The following ETNK2 variants were observed in gnomAD, a reference collection of about 807,000 sequenced individuals.
The protein encoded by ETNK2 is ethanolamine kinase 2.
ETNK2 carries 33 observed loss-of-function variants against 46.2 expected under a neutral mutation model. The observed-to-expected ratio is 0.71, with a 90% CI of 0.54 to 0.96. ETNK2 has a LOEUF of 0.96. ETNK2 is among the 40% of genes least tolerant of loss of function. The pLI, the probability that ETNK2 is intolerant of heterozygous loss-of-function variation, is 0.00. For missense variants in ETNK2, 445 were observed against 509.7 expected (o/e 0.87, Z 1.22); for synonymous variants, 194 against 209.0 (o/e 0.93, Z 0.62).
chr1:204,135,783 A>G (rs1290281505), intron 6 of ETNK2, among the ~76,000 whole-genome samples: 1 of 152,232 alleles, frequency 6.6e-6, no homozygotes, highest in Non-Finnish European at 1.5e-5. Context: ...AGAATAGGGA[A>G]TCCGAAATTA....
At chr1:204,132,439 A>G (rs543210494) in intron 7 of ETNK2, among the ~76,000 whole-genome samples, 183 bp from the exon 8 acceptor site, 140 of 152,118 alleles carry the variant, frequency 9.2e-4, no homozygotes, top group African/African-American at 3.3e-3. Context: ...AATTTTTAAT[A>G]TTTATTTATT....
intron 2 of ETNK2, chr1:204,147,124 G>A (rs756519837): frequency 2.0e-5 from 8 of 402,506 alleles, no homozygotes; most frequent in African/African-American, 4.1e-5. Context: ...GGATGGGGGC[G>A]GGGCTGGCCC....
In ETNK2 at chr1:204,146,656, G is replaced by C; in HGVS notation, c.627C>G (p.Asn209Lys). 6.2e-7 allele frequency: 1 copy of C among 1,614,014 alleles called. No homozygotes were observed. The highest frequency in any genetic ancestry group is 1.1e-5 in the South Asian group (1 of 91,082). Residue 209 changes from asparagine (N) to lysine (K), a missense_variant, in exon 3 of 8, where the codon AAC (asparagine) becomes AAG (lysine). Transcript: ENST00000367202. ...GATCTTTGTACCTGGGGTTGATCTC[G>C]TTCTTCACAAGCGTGAAATAATTGT... ...KMHNYFTLVKNEINPSLSADV... is the reference protein window; with the variant it reads ...KMHNYFTLVKKEINPSLSADV...
chr1:204,140,027 C>T lies in ETNK2; in HGVS notation c.868+8G>A. 3 of 1,612,784 alleles carry T rather than the reference C, an allele frequency of 1.9e-6. No individual in the cohort carries two copies. The highest frequency in any genetic ancestry group is 2.5e-6 in the Non-Finnish European group (3 of 1,178,856). On this transcript the variant is annotated splice_region_variant and intron_variant, in intron 5 of 7. Transcript: ENST00000367202. ...CAAAGCACATGACTGTAGAAATGCC[C>T]CTCTCACCTGCAAACTCATTGAAAT...
chr1:204,142,677 G>A (rs913644840), intron 3 of ETNK2: 2 of 152,250 alleles, frequency 1.3e-5, no homozygotes, highest in African/African-American at 2.4e-5. Flanking sequence ...AGAAGGATGA[G>A]GATGAGACCG....
rs757038635 is a variant in ETNK2 at position 204,137,257 on chromosome 1, G to T, written c.869-8C>A. The T allele has an allele frequency of 6.2e-7, 1 of 1,613,060 alleles. No homozygotes were observed. The highest frequency in any genetic ancestry group is 1.3e-5 in the African/African-American group (1 of 75,036). On this transcript the variant is annotated splice_polypyrimidine_tract_variant and splice_region_variant and intron_variant, in intron 5 of 7. Transcript: ENST00000367202. ...AATCCACCTCATTCACGCCTGAGGG[G>T]GAGGCAGGCCAGACAAAGTTGCTCA... is the stretch of plus-strand genomic sequence containing the variant.
intron 5 of ETNK2, 27 bp from the exon 6 acceptor site, chr1:204,137,276 T>C (rs756100601): frequency 1.2e-6 from 2 of 1,610,470 alleles, no homozygotes; most frequent in South Asian, 1.1e-5. Context: ...CCAGACAAAG[T>C]TGCTCAGAGA....
intron 7 of ETNK2, among the ~76,000 whole-genome samples, chr1:204,134,240 C>T (rs1029755586): frequency 1.3e-5 from 2 of 152,228 alleles, no homozygotes; most frequent in African/African-American, 4.8e-5. Context: ...GCGCTGGAAG[C>T]AGGGTGGGGA....
intron 3 of ETNK2, 42 bp from the exon 4 acceptor site, chr1:204,141,499 A>G (rs1657536993): frequency 1.3e-6 from 2 of 1,549,140 alleles, no homozygotes; most frequent in East Asian, 2.4e-5. Context: ...AGGAGGGCTG[A>G]TAGACAGGTG....
Position 204,140,041 on chromosome 1 carries a change from A to T in ETNK2, c.862T>A (p.Phe288Ile), listed in dbSNP as rs1657440405. ...GTAGAAATGCCCCTCTCACCTGCAA[A>T]CTCATTGAAATGGTTGCCAATGTCA... ...AFDIGNHFNE[F>I]AGVNEVDYCL... is the part of the protein sequence containing the mutation. The change falls in exon 5 of 8, where the codon TTT becomes ATT. Residue 288 changes from phenylalanine (F) to isoleucine (I), a missense_variant. Physicochemically the swap from Phe to Ile is conservative, Grantham distance 21. Coordinates refer to ENST00000367202, the MANE Select transcript of ETNK2 (RefSeq NM_018208.4). 1 of 1,613,760 alleles carries T rather than the reference A, an allele frequency of 6.2e-7. No individual in the cohort carries two copies. Among genetic ancestry groups the T allele is most frequent in the Non-Finnish European group, 8.5e-7 (1 of 1,179,800 alleles).
chr1:204,137,313 T>C, intron 5 of ETNK2, 64 bp from the exon 6 acceptor site: 1 of 1,560,772 alleles, frequency 6.4e-7, no homozygotes. Context: ...CTCCTCAAGC[T>C]CAGTAGGTGT....
At position 204,131,437 on chromosome 1, in the gene ETNK2, T is replaced by C. The variant is rs2102275309; in HGVS notation, c.*747A>G. The C allele has an allele frequency of 6.6e-6, 1 of 152,416 alleles. No individual in the cohort carries two copies. Among genetic ancestry groups the C allele is most frequent in the Non-Finnish European group, 1.5e-5 (1 of 68,148 alleles). 9.4% of individuals were successfully genotyped at this position (152,416 alleles called of 1,614,324 possible). A position where few individuals can be genotyped will look rare whatever the true frequency, so the allele number is the denominator to read the frequency against. ...GTTCTGGTTTTGGCCACCTCACCCT[T>C]GGCCACGTCCCCTCCGGCTAAGCCA... On this transcript the variant is annotated 3_prime_UTR_variant, in exon 8 of 8. Transcript: ENST00000367202. This position sits in a 1 kb window ranked among gnomAD's most constrained non-coding sequence, Gnocchi z 4.3.
At position 204,131,701 on chromosome 1, in the gene ETNK2, G is replaced by GT. The variant is rs1291207908; in HGVS notation, c.*482dup. On this transcript the variant is annotated 3_prime_UTR_variant, in exon 8 of 8. Transcript: ENST00000367202. This position sits in a 1 kb window ranked among gnomAD's most constrained non-coding sequence, Gnocchi z 4.3. ...CCATCACCAAGATAGGTACATCCAT[G>GT]TGTCAGAGTTGGTGTGATGCTGGTT... 7.1e-5 allele frequency: 12 copies of GT among 167,890 alleles called. No individual in the cohort carries two copies. Among genetic ancestry groups the GT allele is most frequent in the African/African-American group, 2.6e-4 (11 of 42,118 alleles). 10.4% of individuals were successfully genotyped at this position (167,890 alleles called of 1,614,324 possible). A position where few individuals can be genotyped will look rare whatever the true frequency, so the allele number is the denominator to read the frequency against.
In ETNK2 at chr1:204,151,405, C is replaced by T. The variant is rs998715053; in HGVS notation, c.258+190G>A. ...GGGAGGAGGGGGGCGTGTGCAGGGCCAAGGGAGGTGTGAGCCTAGTTTTGG... is the reference window on the plus strand; with the variant it reads ...GGGAGGAGGGGGGCGTGTGCAGGGCTAAGGGAGGTGTGAGCCTAGTTTTGG... On this transcript the variant is annotated intron_variant, in intron 1 of 7. Coordinates refer to ENST00000367202, the MANE Select transcript of ETNK2 (RefSeq NM_018208.4). The surrounding 1 kb of genome is among the most constrained non-coding windows in gnomAD (Gnocchi z 8.0). 7 of 834,870 alleles carry T rather than the reference C, an allele frequency of 8.4e-6. No homozygotes were observed. The highest frequency in any genetic ancestry group is 1.1e-5 in the Non-Finnish European group (6 of 556,534). 51.7% of individuals were successfully genotyped at this position (834,870 alleles called of 1,614,324 possible).
intron 7 of ETNK2, among the ~76,000 whole-genome samples, chr1:204,133,519 A>C (rs1189300010): frequency 7.6e-6 from 1 of 131,570 alleles, no homozygotes; most frequent in Non-Finnish European, 1.6e-5. Flanking sequence ...TTATCATTTC[A>C]TTTTATTTTA....
chr1:204,152,034 G>A lies in ETNK2; in HGVS notation c.-182C>T. Reference sequence around the variant, plus strand: ...CGCCGACCCCGGAGCGCCGCGGCCCGCCGCGATTGTGACATCACGGGCGGT... The same window carrying A: ...CGCCGACCCCGGAGCGCCGCGGCCCACCGCGATTGTGACATCACGGGCGGT... On this transcript the variant is annotated 5_prime_UTR_variant, in exon 1 of 8. Coordinates refer to ENST00000367202, the MANE Select transcript of ETNK2 (RefSeq NM_018208.4). The surrounding 1 kb of genome is among the most constrained non-coding windows in gnomAD (Gnocchi z 4.2). 1.8e-6 allele frequency: 1 copy of A among 540,734 alleles called. No homozygotes were observed. Among genetic ancestry groups the A allele is most frequent in the African/African-American group, 2.0e-5 (1 of 50,406 alleles). 33.5% of individuals were successfully genotyped at this position (540,734 alleles called of 1,614,324 possible).
chr1:204,132,672 A>G (rs948529978), intron 7 of ETNK2, among the ~76,000 whole-genome samples: 14 of 152,122 alleles, frequency 9.2e-5, no homozygotes, highest in Admixed American at 3.3e-4. Flanking sequence ...AGCTCAAGCA[A>G]TCCGCCTGCC....
In ETNK2 at chr1:204,151,551, G is replaced by C; in HGVS notation, c.258+44C>G. 6.5e-7 allele frequency: 1 copy of C among 1,547,358 alleles called. No homozygotes were observed. Among genetic ancestry groups the C allele is most frequent in the East Asian group, 2.5e-5 (1 of 40,632 alleles). ...ACTGGGTCCCCGCATCCCCCTGGCA[G>C]CCCTGGCAGGACCCCATCCTCGGCC... On this transcript the variant is annotated intron_variant, in intron 1 of 7. Transcript: ENST00000367202. The surrounding 1 kb of genome is among the most constrained non-coding windows in gnomAD (Gnocchi z 8.0).
intron 6 of ETNK2, among the ~76,000 whole-genome samples, chr1:204,136,309 T>C (rs543543830): frequency 6.6e-6 from 1 of 151,636 alleles, no homozygotes; most frequent in Admixed American, 6.6e-5. Context: ...GGTGGGAGGA[T>C]TGCTTGAGCC....
Sources: gnomAD v4.1 joint callset for allele counts (sites outside exome capture counted in the v4.1 genomes callset) on GRCh38, gnomAD v4.1.1 for gene constraint, Gnocchi (gnomAD v3.1) non-coding constraint, MANE v1.5 for transcripts, NCBI Gene and HGNC (gene_info 2026-07-23, HGNC 2026-07-21) for gene names.